FER1L5: variants seen among roughly 807,000 people sequenced by gnomAD.
FER1L5 encodes the protein fer-1 like family member 5.
FER1L5 carries 187 observed loss-of-function variants against 279.9 expected under a neutral mutation model. The ratio of observed to expected loss-of-function variants is 0.67; its 90% CI spans 0.59 to 0.75. The LOEUF is 0.75. Among genes scored for constraint, FER1L5 ranks in the 30% least tolerant of loss-of-function variants. The pLI is 0.00. For synonymous variants in FER1L5, 921 were observed against 989.7 expected, an observed-to-expected ratio of 0.93 and a Z score of 1.30; for missense variants, 2,091 against 2,594.4, an observed-to-expected ratio of 0.81 and a Z score of 4.21.
chr2:96,703,608 A>G lies in FER1L5; in HGVS notation c.5777A>G (p.Gln1926Arg). ...PAGRGQSEPN[Q>R]YPTLHPPLRT... Reference sequence around the variant, plus strand: ...GGGCGAGGCCAGTCGGAACCCAACCAGTACCCCACACTTCATCCTCCCCTG... The same window carrying G: ...GGGCGAGGCCAGTCGGAACCCAACCGGTACCCCACACTTCATCCTCCCCTG... Residue 1926 changes from glutamine to arginine, a missense_variant, in exon 51 of 53, where the codon CAG becomes CGG. Physicochemically the swap from Gln to Arg is conservative, Grantham distance 43. Transcript: ENST00000624922. 6.2e-7 allele frequency: 1 copy of G among 1,613,918 alleles called. No homozygotes were observed. Among genetic ancestry groups the G allele is most frequent in the East Asian group, 2.2e-5 (1 of 44,866 alleles).
intron 1 of FER1L5, among the ~76,000 whole-genome samples, chr2:96,645,314 C>T (rs2075070302): frequency 6.6e-6 from 1 of 152,162 alleles, no homozygotes; most frequent in South Asian, 2.1e-4. Context: ...GCCGCTTGCC[C>T]CTTGTGGCTG....
rs2077609887 is a variant in FER1L5 at position 96,702,219 on chromosome 2, G to A, written c.5160-87G>A. On this transcript the variant is annotated intron_variant, in intron 46 of 52. Transcript: ENST00000624922. The surrounding 1 kb of genome is among the most constrained non-coding windows in gnomAD (Gnocchi z 4.0). ...TCCCCACACTGAGCAAAAACACACA[G>A]GGCAGCCTCCCAGGCTTCTCTGCCC... 1.3e-6 allele frequency: 2 copies of A among 1,570,602 alleles called. No individual in the cohort carries two copies. Among genetic ancestry groups the A allele is most frequent in the South Asian group, 2.3e-5 (2 of 86,456 alleles).
rs2075466891 is a variant in FER1L5 at position 96,653,441 on chromosome 2, CA to C, written c.634-198del. The stretch of plus-strand genomic sequence containing the variant: ...GCATTTCCTTTGAGGGTCATGTTGG[CA>C]CTCAGAAAGTTTCAGATTTTGGAGC... On this transcript the variant is annotated intron_variant, in intron 7 of 52. Transcript: ENST00000624922. The C allele has an allele frequency of 5.2e-6, 3 of 580,262 alleles. No individual in the cohort carries two copies. In the South Asian group the frequency reaches 6.4e-5, roughly 12 times the overall value. The allele number at this position is 580,262 out of a possible 1,614,324, so 35.9% of individuals were successfully genotyped here.
chr2:96,660,359 T>C lies in FER1L5; in HGVS notation c.766T>C (p.Tyr256His). Residue 256 changes from tyrosine to histidine, a missense_variant, in exon 10 of 53, where the codon TAC (tyrosine) becomes CAC (histidine). Transcript: ENST00000624922. ...TTTTCAGACAGATATTGGGTTTATC[T>C]ACCATTCTCCAGGTAGGTAATACTT... ...GRFQTDIGFI[Y>H]HSPGHTLLRK... 1 of 1,551,686 alleles carries C rather than the reference T, an allele frequency of 6.4e-7. No individual in the cohort carries two copies. Among genetic ancestry groups the C allele is most frequent in the East Asian group, 2.4e-5 (1 of 40,920 alleles).
In FER1L5 at chr2:96,685,968, C is replaced by T; in HGVS notation, c.1924C>T (p.Pro642Ser). The T allele has an allele frequency of 6.5e-7, 1 of 1,548,600 alleles. No homozygotes were observed. Among genetic ancestry groups the T allele is most frequent in the Non-Finnish European group, 8.7e-7 (1 of 1,145,500 alleles). Residue 642 changes from proline to serine, a missense_variant, in exon 22 of 53, where the codon CCC becomes TCC. Pro to Ser is a moderately conservative substitution (Grantham distance 74). Transcript: ENST00000624922. The part of the protein sequence containing the change: ...KRPLPCMTYQ[P>S]KATSLDRKRW... ...CCCTCTGCCCTGCATGACCTATCAGCCCAAAGCCACCAGCCTGGACAGGAA... is the reference window on the plus strand; with the variant it reads ...CCCTCTGCCCTGCATGACCTATCAGTCCAAAGCCACCAGCCTGGACAGGAA...
At chr2:96,649,486 T>C in intron 4 of FER1L5, 137 bp from the exon 5 acceptor site, 1 of 740,108 alleles carries the variant, frequency 1.4e-6, no homozygotes, top group Non-Finnish European at 2.3e-6. Context: ...GCCCATGGTG[T>C]GGCCCCATCC....
chr2:96,672,174 G>A (rs2076351964), intron 18 of FER1L5, among the ~76,000 whole-genome samples: 2 of 152,176 alleles, frequency 1.3e-5, no homozygotes, highest in Admixed American at 1.3e-4. Context: ...CACCTCCTGG[G>A]TTCAAGCAAT....
rs1573930016 is a variant in FER1L5 at position 96,689,162 on chromosome 2, CG to C, written c.2362-50del. The C allele has an allele frequency of 9.7e-5, 149 of 1,529,952 alleles. 1 individual carries two copies. The East Asian group carries it at 3.6e-3, about 37-fold the overall frequency. The allele number at this position is 1,529,952 out of a possible 1,614,324, so 94.8% of individuals were successfully genotyped here. A position where few individuals can be genotyped will look rare whatever the true frequency, so the allele number is the denominator to read the frequency against. On this transcript the variant is annotated intron_variant, in intron 24 of 52. Coordinates refer to ENST00000624922, the MANE Select transcript of FER1L5 (RefSeq NM_001293083.2). The surrounding 1 kb of genome is among the most constrained non-coding windows in gnomAD (Gnocchi z 4.6). ...GGGGCCCAGGGGAGGCCCATGTCCC[CG>C]CACTTTGTGCTAGAGGAGGCGGCCG...
intron 1 of FER1L5, among the ~76,000 whole-genome samples, chr2:96,646,119 C>T (rs1182611739): frequency 6.6e-6 from 1 of 151,252 alleles, no homozygotes; most frequent in Non-Finnish European, 1.5e-5. Flanking sequence ...CTGCCTCAGC[C>T]TCCCAAGTAG....
In FER1L5 at chr2:96,691,950, C is replaced by T; in HGVS notation, c.3201C>T (p.Tyr1067=). Residue 1067 remains tyrosine, a synonymous_variant, in exon 30 of 53, where the codon TAC becomes TAT. Coordinates refer to ENST00000624922, the MANE Select transcript of FER1L5 (RefSeq NM_001293083.2). This position sits in a 1 kb window ranked among gnomAD's most constrained non-coding sequence, Gnocchi z 6.0. The part of the protein sequence containing the change: ...DTRPPNLPFI[Y]CTFNKPHYYQ... ...GGCCCCCCAACTTGCCCTTCATCTA[C>T]TGCACCTTCAATAGTAAGCACTGAC... 6.5e-7 allele frequency: 1 copy of T among 1,547,174 alleles called. No individual in the cohort carries two copies. The highest frequency in any genetic ancestry group is 1.2e-5 in the South Asian group (1 of 83,936).
At chr2:96,659,712 C>T (rs2075884658) in intron 9 of FER1L5, among the ~76,000 whole-genome samples, 1 of 151,416 alleles carries the variant, frequency 6.6e-6, no homozygotes, top group Middle Eastern at 3.4e-3. Flanking sequence ...AGGATGGTCT[C>T]GATCTCCTGA....
chr2:96,687,893 C>G lies in FER1L5; in HGVS notation c.2307C>G (p.Asp769Glu). 1 of 1,551,098 alleles carries G rather than the reference C, an allele frequency of 6.4e-7. No homozygotes were observed. The highest frequency in any genetic ancestry group is 8.7e-7 in the Non-Finnish European group (1 of 1,146,976). The stretch of plus-strand genomic sequence containing the variant: ...GCATGTGGCTTGGCAATGTCACAGA[C>G]AGCAAGGACCTGCAGCTGCTCCGCC... Reference protein sequence around the residue: ...RVCMWLGNVTDSKDLQLLRQG... With the variant: ...RVCMWLGNVTESKDLQLLRQG... Residue 769 changes from aspartate (D) to glutamate (E), a missense_variant, in exon 24 of 53, where the codon GAC (aspartate) becomes GAG (glutamate). By Grantham distance (45) the Asp-to-Glu change is conservative (BLOSUM62 2). Transcript: ENST00000624922.
chr2:96,671,106 C>CAAAGAAAAAAAAAAAAAAAAAAA (rs2076309500), intron 18 of FER1L5, among the ~76,000 whole-genome samples: 1 of 40,222 alleles, frequency 2.5e-5, no homozygotes, highest in African/African-American at 1.3e-4. Flanking sequence ...GACTCCATCT[C>CAAAGAAAAAAAAAAAAAAAAAAA]AAAAAAAAAA....
chr2:96,657,764 T>C (rs2075657258), intron 9 of FER1L5, among the ~76,000 whole-genome samples: 1 of 152,230 alleles, frequency 6.6e-6, no homozygotes, highest in Non-Finnish European at 1.5e-5. Flanking sequence ...GATTCATCCA[T>C]GTTGTTGCAC....
chr2:96,698,682 C>A lies in FER1L5; in HGVS notation c.4368C>A (p.Arg1456=), dbSNP rs775153677. ...CCTCCCCCCGCCAGGGCCTTTTCCG[C>A]ATCTACCCCTTTCCTGAGAATCCAG... The part of the protein sequence containing the change: ...PVVGEFKGLF[R]IYPFPENPEA... The change falls in exon 41 of 53, where the codon CGC becomes CGA. Residue 1456 remains arginine (R), a synonymous_variant. Coordinates refer to ENST00000624922, the MANE Select transcript of FER1L5 (RefSeq NM_001293083.2). This position sits in a 1 kb window ranked among gnomAD's most constrained non-coding sequence, Gnocchi z 5.5. 6.3e-7 allele frequency: 1 copy of A among 1,587,742 alleles called. No individual in the cohort carries two copies. The highest frequency in any genetic ancestry group is 1.3e-5 in the African/African-American group (1 of 74,198).
At position 96,698,649 on chromosome 2, in the gene FER1L5, C is replaced by A; in HGVS notation, c.4357-22C>A. On this transcript the variant is annotated intron_variant, in intron 40 of 52. Coordinates refer to ENST00000624922, the MANE Select transcript of FER1L5 (RefSeq NM_001293083.2). This position sits in a 1 kb window ranked among gnomAD's most constrained non-coding sequence, Gnocchi z 5.5. Reference sequence around the variant, plus strand: ...CTGGCCAGCACTGCCAGGCTGGGCCCCCAACACCCTCCCCCCGCCAGGGCC... The same window carrying A: ...CTGGCCAGCACTGCCAGGCTGGGCCACCAACACCCTCCCCCCGCCAGGGCC... 6.4e-7 allele frequency: 1 copy of A among 1,568,910 alleles called. No homozygotes were observed. The highest frequency in any genetic ancestry group is 2.4e-5 in the East Asian group (1 of 42,176).
chr2:96,649,804 G>C, intron 5 of FER1L5, 127 bp downstream of exon 5: 9 of 929,360 alleles, frequency 9.7e-6, no homozygotes, highest in Non-Finnish European at 1.5e-5. Context: ...GACCAGGCTA[G>C]GGTCCCTGGA....
intron 8 of FER1L5, 58 bp downstream of exon 8, chr2:96,653,760 G>A (rs1254103173): frequency 3.0e-6 from 4 of 1,321,130 alleles, no homozygotes; most frequent in East Asian, 5.0e-5. Context: ...TCAATACTGG[G>A]AAGCACTACA....
chr2:96,684,239 CAG>C, intron 19 of FER1L5, 86 bp from the exon 20 acceptor site: 1 of 1,488,218 alleles, frequency 6.7e-7, no homozygotes, highest in Non-Finnish European at 9.0e-7. Context: ...TGCAGTGGTC[CAG>C]AGAGGTCCTC....
Sources: allele counts gnomAD v4.1 joint callset (sites outside exome capture counted in the v4.1 genomes callset), GRCh38; gene constraint gnomAD v4.1.1; non-coding constraint Gnocchi (gnomAD v3.1); transcripts MANE v1.5; gene names NCBI Gene and HGNC (gene_info 2026-07-23, HGNC 2026-07-21).